HIF1A: variants seen among roughly 807,000 people sequenced by gnomAD.
The protein encoded by HIF1A is hypoxia inducible factor 1 subunit alpha.
A neutral mutation model predicts 92.7 loss-of-function variants in HIF1A; 24 were observed. That is an observed-to-expected ratio of 0.26 (90% confidence interval 0.19 to 0.36). The LOEUF (loss-of-function observed/expected upper bound fraction) is 0.36, where lower values mean the gene tolerates loss of function less well. HIF1A is among the 10% of genes least tolerant of loss of function. The pLI is 1.00. For synonymous variants in HIF1A, 319 were observed against 338.7 expected (o/e 0.94, Z 0.64); for missense variants, 799 against 998.5 (o/e 0.80, Z 2.69).
rs1203608510 is a variant in HIF1A at position 61,747,202 on chromosome 14, G to T, written c.*117G>T. 5.2e-6 allele frequency: 4 copies of T among 775,982 alleles called. No homozygotes were observed. In the East Asian group the frequency reaches 8.9e-5, roughly 17 times the overall value. The allele number at this position is 775,982 out of a possible 1,614,324, so 48.1% of individuals were successfully genotyped here. A position where few individuals can be genotyped will look rare whatever the true frequency, so the allele number is the denominator to read the frequency against. ...CTGGCTACAATACTGCACAAACTTG[G>T]TTAGTTCAATTTTGATCCCCTTTCT... On this transcript the variant is annotated 3_prime_UTR_variant, in exon 15 of 15. Coordinates refer to ENST00000337138, the MANE Select transcript of HIF1A (RefSeq NM_001530.4).
intron 4 of HIF1A, among the ~76,000 whole-genome samples, chr14:61,724,865 T>A (rs1191470517): frequency 1.3e-5 from 2 of 152,224 alleles, no homozygotes; most frequent in African/African-American, 4.8e-5. Context: ...AGTTACTGAT[T>A]GTGCTTTTTT....
Position 61,695,785 on chromosome 14 carries a change from A to G in HIF1A, c.-20A>G, listed in dbSNP as rs2044105854. On this transcript the variant is annotated 5_prime_UTR_variant, in exon 1 of 15. Coordinates refer to ENST00000337138, the MANE Select transcript of HIF1A (RefSeq NM_001530.4). ...CCTGGGGGCCGCCCGCCGTGAAGAC[A>G]TCGCGGGGACCGATTCACCATGGAG... 1 of 1,594,908 alleles carries G rather than the reference A, an allele frequency of 6.3e-7. No homozygotes were observed. The highest frequency in any genetic ancestry group is 1.3e-5 in the African/African-American group (1 of 74,792).
chr14:61,742,761 G>A (rs138878185), intron 12 of HIF1A, among the ~76,000 whole-genome samples: 351 of 151,998 alleles, frequency 2.3e-3, no homozygotes, highest in African/African-American at 8.0e-3. Flanking sequence ...GCACGTGCCT[G>A]TAATCCCAGC....
chr14:61,742,907 A>AAAAAAAAAAAAAAAAAAG lies in HIF1A; in HGVS notation c.2093+1719_2093+1720insAAAAAAAAAAAAAAAAAG, dbSNP rs71117851. ...TTTCAAAAAAAAAAAAAAAAAAAAA[A>AAAAAAAAAAAAAAAAAAG]GTTGTTGGACTGACAGATGCATGAA... On this transcript the variant is annotated intron_variant, in intron 12 of 14. Transcript: ENST00000337138. Among the ~76,000 whole-genome samples the AAAAAAAAAAAAAAAAAAG allele has an allele frequency of 1.9e-5, 2 of 105,918 alleles. 1 individual carries two copies. The highest frequency in any genetic ancestry group is 3.6e-5 in the Non-Finnish European group (2 of 55,622). The allele number at this position is 105,918 out of a possible 152,430, so 69.5% of individuals were successfully genotyped here.
chr14:61,728,601 CTT>C (rs2044536821), intron 6 of HIF1A, among the ~76,000 whole-genome samples: 1 of 152,206 alleles, frequency 6.6e-6, no homozygotes, highest in South Asian at 2.1e-4. Context: ...TCATCTGTAA[CTT>C]TTCTTTTACA....
At chr14:61,736,413 G>T (rs146081650) in intron 8 of HIF1A, among the ~76,000 whole-genome samples, 53 of 152,102 alleles carry the variant, frequency 3.5e-4, no homozygotes, top group African/African-American at 1.2e-3. Context: ...TGATGCTGAG[G>T]TTTGGGGTAC....
chr14:61,727,798 G>C (rs756202675), intron 6 of HIF1A, 143 bp downstream of exon 6: 24 of 643,006 alleles, frequency 3.7e-5, no homozygotes, highest in South Asian at 1.2e-4. Context: ...TGAGGCAAGC[G>C]GGGGGTGGAT....
intron 4 of HIF1A, chr14:61,726,494 C>T (rs1594874663): frequency 2.8e-6 from 1 of 352,684 alleles, no homozygotes; most frequent in South Asian, 6.6e-5. Context: ...GATTATCTTT[C>T]AGCCAACTCA....
rs1040910292 is a variant in HIF1A at position 61,747,840 on chromosome 14, C to A, written c.*755C>A. Reference sequence around the variant, plus strand: ...ATCTGATGTTTCTATAGTCACTTTGCCAGCTCAAAAGAAAACAATACCCTA... The same window carrying A: ...ATCTGATGTTTCTATAGTCACTTTGACAGCTCAAAAGAAAACAATACCCTA... On this transcript the variant is annotated 3_prime_UTR_variant, in exon 15 of 15. Coordinates refer to ENST00000337138, the MANE Select transcript of HIF1A (RefSeq NM_001530.4). The A allele has an allele frequency of 6.6e-6, 1 of 152,358 alleles. No individual in the cohort carries two copies. Among genetic ancestry groups the A allele is most frequent in the Non-Finnish European group, 1.5e-5 (1 of 67,934 alleles). 9.4% of individuals were successfully genotyped at this position (152,358 alleles called of 1,614,324 possible). A position where few individuals can be genotyped will look rare whatever the true frequency, so the allele number is the denominator to read the frequency against.
intron 1 of HIF1A, among the ~76,000 whole-genome samples, chr14:61,716,224 AACTGGCAGAG>A (rs11279176): frequency 0.87 from 131,398 of 151,786 alleles, 57,859 homozygotes; most frequent in Non-Finnish European, 0.95. Flanking sequence ...CACATTCATG[AACTGGCAGAG>A]ACAAAAATGG....
chr14:61,721,515 T>C lies in HIF1A; in HGVS notation c.233T>C (p.Leu78Ser). The C allele has an allele frequency of 6.2e-7, 1 of 1,612,456 alleles. No homozygotes were observed. The highest frequency in any genetic ancestry group is 1.1e-5 in the South Asian group (1 of 90,966). ...RVRKLLDAGDLDIEDDMKAQM... is the reference protein window; with the variant it reads ...RVRKLLDAGDSDIEDDMKAQM... ...CTTCTTGTGCCCTTTTTAGGTGATTTGGATATTGAAGATGACATGAAAGCA... is the reference window on the plus strand; with the variant it reads ...CTTCTTGTGCCCTTTTTAGGTGATTCGGATATTGAAGATGACATGAAAGCA... Residue 78 changes from leucine to serine, a missense_variant, in exon 3 of 15, where the codon TTG becomes TCG. By Grantham distance (145) the Leu-to-Ser change is moderately radical. Transcript: ENST00000337138.
rs375248063 is a variant in HIF1A, at chr14:61,736,949, G to A, written c.1089G>A (p.Pro363=). ...SLQQTECVLK[P]VESSDMKMTQ... ...AACAAACAGAATGTGTCCTTAAACC[G>A]GTTGAATCTTCAGATATGAAAATGA... The change falls in exon 9 of 15, where the codon CCG becomes CCA. Residue 363 remains proline, a synonymous_variant. Coordinates refer to ENST00000337138, the MANE Select transcript of HIF1A (RefSeq NM_001530.4). The A allele has an allele frequency of 2.8e-4, 457 of 1,613,892 alleles. No homozygotes were observed. Among genetic ancestry groups the A allele is most frequent in the Non-Finnish European group, 3.7e-4 (440 of 1,179,916 alleles).
At chr14:61,719,263 T>A (rs2044398710) in intron 1 of HIF1A, among the ~76,000 whole-genome samples, 2 of 152,186 alleles carry the variant, frequency 1.3e-5, no homozygotes, top group Non-Finnish European at 2.9e-5. Flanking sequence ...AAGAATCTAT[T>A]TAACAGGAGT....
At chr14:61,737,986 C>T in intron 9 of HIF1A, 101 bp from the exon 10 acceptor site, 2 of 921,146 alleles carry the variant, frequency 2.2e-6, no homozygotes, top group Admixed American at 2.9e-5. Context: ...AAGATTGCGC[C>T]ATTGCACTCC....
chr14:61,735,532 A>G (rs2044624887), intron 8 of HIF1A, among the ~76,000 whole-genome samples: 1 of 152,200 alleles, frequency 6.6e-6, no homozygotes, highest in Admixed American at 6.5e-5. Flanking sequence ...CAGTTATCAC[A>G]GTGTATTTTA....
chr14:61,732,540 G>T lies in HIF1A; in HGVS notation c.880+16G>T, dbSNP rs191651195. 1,776 of 1,402,876 alleles carry T rather than the reference G, an allele frequency of 1.3e-3. 2 individuals are homozygous for T. The highest frequency in any genetic ancestry group is 1.6e-3 in the Non-Finnish European group (1,601 of 990,354). 86.9% of individuals were successfully genotyped at this position (1,402,876 alleles called of 1,614,324 possible). A position where few individuals can be genotyped will look rare whatever the true frequency, so the allele number is the denominator to read the frequency against. On this transcript the variant is annotated intron_variant, in intron 7 of 14. Coordinates refer to ENST00000337138, the MANE Select transcript of HIF1A (RefSeq NM_001530.4). ...CATCATGATAGTAAGTACAATGGAA[G>T]AACTCAGAGATATTCTAATTACTTA...
chr14:61,718,475 C>A (rs984629080), intron 1 of HIF1A, among the ~76,000 whole-genome samples: 3 of 148,708 alleles, frequency 2.0e-5, no homozygotes, highest in African/African-American at 7.8e-5. Flanking sequence ...TGCTAGATAC[C>A]CCCCCATCCT....
Position 61,739,788 on chromosome 14 carries a change from C to A in HIF1A, c.1537-717C>A, listed in dbSNP as rs1355478856. On this transcript the variant is annotated intron_variant, in intron 10 of 14. Coordinates refer to ENST00000337138, the MANE Select transcript of HIF1A (RefSeq NM_001530.4). ...AAATAACTTAGGTTTCTACTCCCAC[C>A]CCCGACAGTAACAGTGAGATTTTTA... is the stretch of plus-strand genomic sequence containing the variant. Among the ~76,000 whole-genome samples, 3 of 152,036 alleles carry A rather than the reference C, an allele frequency of 2.0e-5. No individual in the cohort carries two copies. The East Asian group carries it at 5.8e-4, about 29-fold the overall frequency.
intron 1 of HIF1A, among the ~76,000 whole-genome samples, chr14:61,717,948 G>A (rs1282304420): frequency 1.3e-5 from 2 of 151,830 alleles, no homozygotes; most frequent in African/African-American, 4.8e-5. Context: ...TTGAACCTGG[G>A]AAGTGGAGGT....
Sources: gnomAD v4.1 joint callset for allele counts (sites outside exome capture counted in the v4.1 genomes callset) on GRCh38, gnomAD v4.1.1 for gene constraint, MANE v1.5 for transcripts, NCBI Gene and HGNC (gene_info 2026-07-23, HGNC 2026-07-21) for gene names.